RBL1: variants seen among roughly 807,000 people sequenced by gnomAD.
RBL1 encodes the protein retinoblastoma-like protein 1.
RBL1 carries 82 observed loss-of-function variants against 123.0 expected under a neutral mutation model. That is an observed-to-expected ratio of 0.67 (90% CI 0.56 to 0.80). The LOEUF (loss-of-function observed/expected upper bound fraction) is 0.80. Ranked by LOEUF, RBL1 falls within the 30% of genes least tolerant of loss-of-function variation. The probability of loss-of-function intolerance (pLI) is 0.00; values close to 1 mark genes in which losing one functional copy is unlikely to be tolerated. For missense variants in RBL1, 1,171 were observed against 1,299.6 expected (o/e 0.90, Z 1.52); for synonymous variants, 405 against 441.3 (o/e 0.92, Z 1.03).
At chr20:37,058,730 T>C (rs562707704) in intron 9 of RBL1, among the ~76,000 whole-genome samples, 104 of 151,908 alleles carry the variant, frequency 6.8e-4, no homozygotes, top group African/African-American at 2.5e-3. Context: ...TTAACAATAT[T>C]AAGTCTTCCA....
Position 37,068,143 on chromosome 20 carries a change from A to T in RBL1, c.334T>A (p.Ser112Thr), listed in dbSNP as rs1297073605. ...FSKMKKWMDM[S>T]NLPQEFRERI... ...TCACGAAATTCTTGTGGTAGATTTG[A>T]CATGTCCATCCATTTCTTCATTTTA... Residue 112 changes from serine to threonine, a missense_variant, in exon 3 of 22, where the codon TCA (serine) becomes ACA (threonine). By Grantham distance (58) the Ser-to-Thr change is moderately conservative. Transcript: ENST00000373664. 6.2e-7 allele frequency: 1 copy of T among 1,611,268 alleles called. No homozygotes were observed. Among genetic ancestry groups the T allele is most frequent in the Non-Finnish European group, 8.5e-7 (1 of 1,179,008 alleles).
At chr20:37,005,134 C>T (rs899675441) in intron 20 of RBL1, among the ~76,000 whole-genome samples, 2 of 151,798 alleles carry the variant, frequency 1.3e-5, no homozygotes, top group Admixed American at 6.6e-5. Context: ...ACAGGCTGGG[C>T]GCGGTGGCTC....
chr20:37,087,187 T>C (rs1344379401), intron 2 of RBL1, among the ~76,000 whole-genome samples: 1 of 151,974 alleles, frequency 6.6e-6, no homozygotes, highest in East Asian at 1.9e-4. Flanking sequence ...ATACAAAAAT[T>C]AGCTGGGCGT....
chr20:37,044,155 T>A lies in RBL1; in HGVS notation c.1701A>T (p.Ala567=). 6.2e-7 allele frequency: 1 copy of A among 1,613,242 alleles called. No individual in the cohort carries two copies. The highest frequency in any genetic ancestry group is 8.5e-7 in the Non-Finnish European group (1 of 1,179,816). ...SIEEQILESL[A]WSHDSALWEA... ...CCCACAGTGCAGAATCGTGACTCCA[T>A]GCTAAACTCTCCAAAATCTGTTCTT... The change falls in exon 13 of 22, where the codon GCA becomes GCT. Residue 567 remains alanine (A), a synonymous_variant. Coordinates refer to ENST00000373664, the MANE Select transcript of RBL1 (RefSeq NM_002895.5).
At chr20:37,022,169 C>T (rs1180230538) in intron 17 of RBL1, among the ~76,000 whole-genome samples, 1 of 152,112 alleles carries the variant, frequency 6.6e-6, no homozygotes, top group Non-Finnish European at 1.5e-5. Context: ...GTGGCCAGTA[C>T]AGTCAAGACA....
chr20:37,058,710 T>C (rs1305028497), intron 9 of RBL1, among the ~76,000 whole-genome samples: 1 of 151,902 alleles, frequency 6.6e-6, no homozygotes, highest in Non-Finnish European at 1.5e-5. Flanking sequence ...TGGCCTCTAA[T>C]ATGGATATCT....
chr20:37,029,778 C>T (rs953039848), intron 16 of RBL1, among the ~76,000 whole-genome samples: 10 of 152,152 alleles, frequency 6.6e-5, no homozygotes, highest in Non-Finnish European at 1.5e-5. Flanking sequence ...CTCTTGTGTT[C>T]CTTTACATTA....
intron 8 of RBL1, among the ~76,000 whole-genome samples, chr20:37,061,742 C>T (rs779865585): frequency 1.3e-5 from 2 of 152,092 alleles, no homozygotes; most frequent in South Asian, 2.1e-4. Flanking sequence ...GTTTGTGTCA[C>T]GGGTAGGAAA....
chr20:37,077,844 A>C (rs966507166), intron 2 of RBL1, among the ~76,000 whole-genome samples: 56 of 152,176 alleles, frequency 3.7e-4, no homozygotes, highest in African/African-American at 1.3e-3. Context: ...AAAATCAGAA[A>C]ATTTTACATT....
chr20:37,036,959 T>G (rs940589722), intron 14 of RBL1, among the ~76,000 whole-genome samples: 2 of 152,180 alleles, frequency 1.3e-5, no homozygotes, highest in African/African-American at 4.8e-5. Flanking sequence ...TCAAAAGGTA[T>G]GAAAATGACC....
At chr20:37,005,602 G>A (rs1388083936) in intron 20 of RBL1, among the ~76,000 whole-genome samples, 2 of 152,068 alleles carry the variant, frequency 1.3e-5, no homozygotes, top group Non-Finnish European at 2.9e-5. Context: ...GACTTCATAT[G>A]GAAATGGAAA....
rs546878119 is a variant in RBL1, at chr20:37,064,298, G to C, written c.896+1126C>G. Among the ~76,000 whole-genome samples, 7 of 150,928 alleles carry C rather than the reference G, an allele frequency of 4.6e-5. No homozygotes were observed. The East Asian group carries it at 1.4e-3, about 30-fold the overall frequency. On this transcript the variant is annotated intron_variant, in intron 7 of 21. Coordinates refer to ENST00000373664, the MANE Select transcript of RBL1 (RefSeq NM_002895.5). ...GACTACAGGCGTGTGCCACCACACCGAGCTAATTTTTGTATTTTTAGTAGA... is the reference window on the plus strand; with the variant it reads ...GACTACAGGCGTGTGCCACCACACCCAGCTAATTTTTGTATTTTTAGTAGA...
At chr20:37,095,223 C>A (rs564249851) in intron 1 of RBL1, among the ~76,000 whole-genome samples, 20 of 152,248 alleles carry the variant, frequency 1.3e-4, no homozygotes, top group Non-Finnish European at 2.6e-4. Flanking sequence ...TGCTGCACAG[C>A]GACCGGCAGC....
intron 13 of RBL1, among the ~76,000 whole-genome samples, chr20:37,041,412 C>T (rs2064724494): frequency 1.3e-5 from 2 of 152,118 alleles, no homozygotes; most frequent in South Asian, 4.1e-4. Flanking sequence ...ACCTCCGCCT[C>T]CTGGGTTCAA....
At chr20:37,065,670 G>A (rs1032905723) in intron 6 of RBL1, among the ~76,000 whole-genome samples, 197 bp from the exon 7 acceptor site, 3 of 150,104 alleles carry the variant, frequency 2.0e-5, no homozygotes, top group Non-Finnish European at 4.4e-5. Flanking sequence ...TTTTGAGACA[G>A]GGTTTTGTTC....
chr20:37,055,309 G>GAAAAAAAA (rs59560599), intron 11 of RBL1, among the ~76,000 whole-genome samples: 1 of 84,032 alleles, frequency 1.2e-5, no homozygotes. Flanking sequence ...ATGAAGGACA[G>GAAAAAAAA]AAAAAAAAAA....
Position 36,998,751 on chromosome 20 carries a change from G to C in RBL1, c.*8C>G. ...GAAAGTGCTTTTATCATAGAAACAAGAACAACATTAATGATTTGCTCTTTC... is the reference window on the plus strand; with the variant it reads ...GAAAGTGCTTTTATCATAGAAACAACAACAACATTAATGATTTGCTCTTTC... On this transcript the variant is annotated 3_prime_UTR_variant, in exon 22 of 22. Coordinates refer to ENST00000373664, the MANE Select transcript of RBL1 (RefSeq NM_002895.5). 1 of 1,603,340 alleles carries C rather than the reference G, an allele frequency of 6.2e-7. No individual in the cohort carries two copies. The highest frequency in any genetic ancestry group is 8.5e-7 in the Non-Finnish European group (1 of 1,173,930).
At chr20:37,092,528 C>T (rs1005454449) in intron 1 of RBL1, among the ~76,000 whole-genome samples, 1 of 152,006 alleles carries the variant, frequency 6.6e-6, no homozygotes, top group African/African-American at 2.4e-5. Context: ...GCCACCACAC[C>T]CAGCTAATTT....
intron 13 of RBL1, among the ~76,000 whole-genome samples, chr20:37,041,330 AT>A (rs907053093): frequency 1.3e-4 from 20 of 151,462 alleles, no homozygotes; most frequent in Admixed American, 4.6e-4. Context: ...TATTCATTTA[AT>A]TTTTTTTTGA....
Sources: gnomAD v4.1 joint callset for allele counts (sites outside exome capture counted in the v4.1 genomes callset) on GRCh38, gnomAD v4.1.1 for gene constraint, MANE v1.5 for transcripts, NCBI Gene and HGNC (gene_info 2026-07-23, HGNC 2026-07-21) for gene names.